Variants in PTPRN2 observed in about 807,000 individuals in gnomAD.
PTPRN2 encodes the protein receptor-type tyrosine-protein phosphatase N2.
Under a neutral mutation model 118.8 loss-of-function variants are expected in PTPRN2, and 74 were observed. The observed-to-expected ratio is 0.62, with a 90% CI of 0.52 to 0.76. The LOEUF (loss-of-function observed/expected upper bound fraction) is 0.76, where lower values mean the gene tolerates loss of function less well. PTPRN2 is among the 30% of genes least tolerant of loss of function. The pLI is 0.00. For missense variants in PTPRN2, 1,481 were observed against 1,394.4 expected (o/e 1.06, Z -0.99); for synonymous variants, 641 against 608.0 (o/e 1.05, Z -0.80).
intron 2 of PTPRN2, among the ~76,000 whole-genome samples, chr7:158,441,447 G>A (rs1817187608): frequency 1.6e-5 from 1 of 61,828 alleles, no homozygotes; most frequent in East Asian, 5.6e-4. Flanking sequence ...TGGCAGTGGT[G>A]GCAGTGGTGG....
intron 10 of PTPRN2, among the ~76,000 whole-genome samples, chr7:158,101,491 C>T (rs1336870803): frequency 6.6e-6 from 1 of 152,152 alleles, no homozygotes; most frequent in Non-Finnish European, 1.5e-5. Context: ...AACCCAATAG[C>T]AAATGCAACA....
chr7:158,326,889 GCACA>G (rs138082778), intron 2 of PTPRN2, among the ~76,000 whole-genome samples: 9 of 144,586 alleles, frequency 6.2e-5, no homozygotes, highest in Admixed American at 4.1e-4. Context: ...TCTCACACAT[GCACA>G]CATTCTCACA....
At chr7:158,082,614 G>A (rs1461687940) in intron 10 of PTPRN2, among the ~76,000 whole-genome samples, 3 of 152,292 alleles carry the variant, frequency 2.0e-5, no homozygotes, top group Middle Eastern at 3.4e-3. Context: ...TTGAATCAGC[G>A]CCTGCTCTGA....
intron 12 of PTPRN2, among the ~76,000 whole-genome samples, chr7:157,734,272 G>A (rs1452427602): frequency 0.012 from 820 of 67,836 alleles, 22 homozygotes; most frequent in South Asian, 0.1. Flanking sequence ...TGTGCCCAGT[G>A]CAGTCTTCCG....
chr7:158,145,602 C>T (rs1288374311), intron 6 of PTPRN2, among the ~76,000 whole-genome samples: 1 of 152,196 alleles, frequency 6.6e-6, no homozygotes, highest in African/African-American at 2.4e-5. Context: ...GCCAGAGCAC[C>T]CTGGCCAGAC....
intron 12 of PTPRN2, among the ~76,000 whole-genome samples, chr7:157,742,643 G>T (rs745344588): frequency 6.4e-4 from 97 of 152,304 alleles, no homozygotes; most frequent in African/African-American, 2.0e-3. Flanking sequence ...AATCTAGGGT[G>T]GGGGACTGTT....
intron 21 of PTPRN2, among the ~76,000 whole-genome samples, chr7:157,558,646 G>A (rs913664606): frequency 2.0e-5 from 3 of 152,342 alleles, no homozygotes; most frequent in South Asian, 2.1e-4. Flanking sequence ...CTGGTCCAGC[G>A]GGGATGCGTG....
rs538966968 is a variant in PTPRN2, at chr7:158,052,083, T to C, written c.1723+29215A>G. Among the ~76,000 whole-genome samples the C allele has an allele frequency of 1.7e-3, 265 of 152,252 alleles. 2 individuals are homozygous for C. Among genetic ancestry groups the C allele is most frequent in the African/African-American group, 5.9e-3 (247 of 41,548 alleles). ...AATTAGCTCACCAGGCGATGGAAAT[T>C]GCGCCTCTGATCCAGAAAAGTCCCT... On this transcript the variant is annotated intron_variant, in intron 11 of 22. Transcript: ENST00000389418.
chr7:157,829,783 G>A lies in PTPRN2; in HGVS notation c.1788+68890C>T, dbSNP rs1194855550. ...GTCGCTCCAGGAAAAGCCCTGGCCC[G>A]ACTCCTCAGGCATGATGGTACAGAT... On this transcript the variant is annotated intron_variant, in intron 12 of 22. Transcript: ENST00000389418. Among the ~76,000 whole-genome samples the A allele has an allele frequency of 4.6e-5, 7 of 152,328 alleles. No individual in the cohort carries two copies. In the East Asian group the frequency reaches 9.7e-4, roughly 21 times the overall value.
chr7:158,175,317 G>T (rs544460115), intron 5 of PTPRN2, among the ~76,000 whole-genome samples: 1 of 152,216 alleles, frequency 6.6e-6, no homozygotes, highest in Non-Finnish European at 1.5e-5. Context: ...ATGCGGCCAG[G>T]TTTGGGAGCT....
At chr7:157,853,490 C>A (rs145929591) in intron 12 of PTPRN2, among the ~76,000 whole-genome samples, 1 of 150,974 alleles carries the variant, frequency 6.6e-6, no homozygotes, top group East Asian at 2.0e-4. Context: ...TTGTGTGTAA[C>A]CTTTGTGTAC....
rs73522956 is a variant in PTPRN2 at position 158,016,455 on chromosome 7, G to C, written c.1723+64843C>G. On this transcript the variant is annotated intron_variant, in intron 11 of 22. Transcript: ENST00000389418. Reference sequence around the variant, plus strand: ...CAGGGGCCTCCCTGTCCGAGGCGCGGAGCCCAGCATGGCTGACTTCCTCTC... The same window carrying C: ...CAGGGGCCTCCCTGTCCGAGGCGCGCAGCCCAGCATGGCTGACTTCCTCTC... Among the ~76,000 whole-genome samples, 424 of 152,338 alleles carry C rather than the reference G, an allele frequency of 2.8e-3. 4 individuals carry two copies. The highest frequency in any genetic ancestry group is 9.8e-3 in the African/African-American group (408 of 41,576).
At chr7:158,428,593 C>G (rs1815931069) in intron 2 of PTPRN2, among the ~76,000 whole-genome samples, 1 of 152,156 alleles carries the variant, frequency 6.6e-6, no homozygotes, top group African/African-American at 2.4e-5. Context: ...TAAGAAACTC[C>G]TAAGAAGTAT....
intron 2 of PTPRN2, among the ~76,000 whole-genome samples, chr7:158,340,404 C>T (rs1199419850): frequency 2.5e-5 from 2 of 81,358 alleles, no homozygotes; most frequent in Non-Finnish European, 2.8e-5. Context: ...GAGCTGACAC[C>T]CGCAGACGTC....
At chr7:158,460,469 C>T (rs1818902123) in intron 2 of PTPRN2, among the ~76,000 whole-genome samples, 1 of 151,132 alleles carries the variant, frequency 6.6e-6, no homozygotes, top group South Asian at 2.1e-4. Flanking sequence ...GTCTGTGTGC[C>T]AAGACCACAG....
intron 2 of PTPRN2, among the ~76,000 whole-genome samples, chr7:158,408,572 C>T (rs1304974673): frequency 6.6e-6 from 1 of 152,204 alleles, no homozygotes; most frequent in East Asian, 1.9e-4. Flanking sequence ...ACATTTATTA[C>T]TGTGTTGCAA....
At chr7:158,196,603 C>A (rs956991436) in intron 4 of PTPRN2, among the ~76,000 whole-genome samples, 2 of 152,202 alleles carry the variant, frequency 1.3e-5, no homozygotes, top group African/African-American at 4.8e-5. Context: ...CAAGACCCTG[C>A]ATTTGGACTT....
At chr7:158,344,025 G>T (rs1268746400) in intron 2 of PTPRN2, among the ~76,000 whole-genome samples, 1 of 152,122 alleles carries the variant, frequency 6.6e-6, no homozygotes, top group Non-Finnish European at 1.5e-5. Context: ...CTCACATTCA[G>T]GGAAAGACAG....
intron 12 of PTPRN2, among the ~76,000 whole-genome samples, chr7:157,809,286 C>T (rs989446893): frequency 8.0e-5 from 12 of 150,540 alleles, no homozygotes; most frequent in East Asian, 7.9e-4. Context: ...CCACCCCTGC[C>T]GTGTGAGCTC....
Sources: gnomAD v4.1 joint callset for allele counts (sites outside exome capture counted in the v4.1 genomes callset) on GRCh38, gnomAD v4.1.1 for gene constraint, MANE v1.5 for transcripts, NCBI Gene and HGNC (gene_info 2026-07-23, HGNC 2026-07-21) for gene names.